The following BBX variants were observed in gnomAD, a reference collection of about 807,000 sequenced individuals.
BBX encodes BBX high mobility group box domain containing, also known as HMG box transcription factor BBX.
In BBX, 30 loss-of-function variants were observed where a neutral mutation model predicts 100.2. The ratio of observed to expected loss-of-function variants is 0.30; its 90% CI spans 0.22 to 0.41. The LOEUF (loss-of-function observed/expected upper bound fraction) is 0.41. Ranked by LOEUF, BBX falls within the 10% of genes least tolerant of loss-of-function variation. BBX has a pLI of 1.00. For synonymous variants in BBX, 376 were observed against 388.1 expected (o/e 0.97, Z 0.37); for missense variants, 1,023 against 1,129.8 (o/e 0.91, Z 1.35).
At chr3:107,536,983 A>C (rs547360188) in intron 2 of BBX, among the ~76,000 whole-genome samples, 55 of 152,326 alleles carry the variant, frequency 3.6e-4, no homozygotes, top group African/African-American at 1.3e-3. Context: ...ATATGGGACG[A>C]GTTTCTTACT....
chr3:107,774,964 C>T (rs1227116109), intron 12 of BBX, 107 bp downstream of exon 12: 5 of 1,314,500 alleles, frequency 3.8e-6, no homozygotes, highest in Non-Finnish European at 5.1e-6. Flanking sequence ...TTTGACTACT[C>T]GCTCAGGACT....
rs764595499 is a variant in BBX at position 107,773,026 on chromosome 3, T to C, written c.1305T>C (p.Ile435=). The change falls in exon 11 of 18, where the codon ATT becomes ATC. Residue 435 remains isoleucine, a synonymous_variant. Transcript: ENST00000325805. This position sits in a 1 kb window ranked among gnomAD's most constrained non-coding sequence, Gnocchi z 4.1. ...ATCATATGTGCCATCCTCATGGAAT[T>C]ATGATCATTGAGGATCCCGCAGCAT... The part of the protein sequence containing the change: ...RKDHMCHPHG[I]MIIEDPAALN... 6.2e-7 allele frequency: 1 copy of C among 1,614,006 alleles called. No homozygotes were observed. Among genetic ancestry groups the C allele is most frequent in the Non-Finnish European group, 8.5e-7 (1 of 1,179,990 alleles).
chr3:107,637,244 G>A (rs1428634903), intron 2 of BBX, among the ~76,000 whole-genome samples: 1 of 152,188 alleles, frequency 6.6e-6, no homozygotes, highest in African/African-American at 2.4e-5. Flanking sequence ...CTAACAGGCT[G>A]TAGAAGGCAT....
intron 2 of BBX, among the ~76,000 whole-genome samples, chr3:107,644,216 A>G (rs982212694): frequency 2.4e-4 from 37 of 152,242 alleles, no homozygotes; most frequent in African/African-American, 8.2e-4. Context: ...TTACTTACGT[A>G]TATAGGGATG....
Position 107,748,005 on chromosome 3 carries a change from A to G in BBX, c.791A>G (p.Gln264Arg). 1 of 1,613,694 alleles carries G rather than the reference A, an allele frequency of 6.2e-7. No individual in the cohort carries two copies. Among genetic ancestry groups the G allele is most frequent in the African/African-American group, 1.3e-5 (1 of 75,044 alleles). The change falls in exon 9 of 18, where the codon CAG (glutamine) becomes CGG (arginine). Residue 264 changes from glutamine to arginine, a missense_variant. Gln to Arg is a conservative substitution (Grantham distance 43). This residue lies in a region of BBX where 95 missense variants were observed against 95.1 expected (regional missense o/e 1.00). Coordinates refer to ENST00000325805, the MANE Select transcript of BBX (RefSeq NM_001142568.3). The part of the protein sequence containing the change: ...STSHSDASTK[Q>R]CQTSALFQFA... The stretch of plus-strand genomic sequence containing the variant: ...TCCCACTCTGATGCTTCTACAAAGC[A>G]GTGTCAAACATCTGCCTTGTTTCAG...
At chr3:107,741,482 A>G (rs149412224) in intron 7 of BBX, among the ~76,000 whole-genome samples, 6 of 152,320 alleles carry the variant, frequency 3.9e-5, no homozygotes, top group Non-Finnish European at 7.3e-5. Context: ...TTTTGGGCAT[A>G]TAGCAACACC....
At chr3:107,798,776 A>T in intron 16 of BBX, 56 bp downstream of exon 16, 1 of 1,490,908 alleles carries the variant, frequency 6.7e-7, no homozygotes, top group South Asian at 1.2e-5. Flanking sequence ...TCCCTGGGCC[A>T]CACTGGAAGA....
intron 3 of BBX, among the ~76,000 whole-genome samples, chr3:107,650,681 A>T (rs1015351989): frequency 5.9e-5 from 9 of 152,126 alleles, no homozygotes; most frequent in Non-Finnish European, 4.4e-5. Context: ...TAAATGGAGT[A>T]TTTTTGTAAC....
chr3:107,546,657 A>G (rs72939490), intron 2 of BBX, among the ~76,000 whole-genome samples: 7,332 of 152,230 alleles, frequency 0.048, 564 homozygotes, highest in African/African-American at 0.16. Context: ...AAAAAGTTAC[A>G]TTTTACTGTT....
At chr3:107,774,050 T>C (rs2067124613) in intron 11 of BBX, among the ~76,000 whole-genome samples, 1 of 152,132 alleles carries the variant, frequency 6.6e-6, no homozygotes, top group African/African-American at 2.4e-5. Flanking sequence ...CTTTCTCTCT[T>C]CATTAGGTAA....
In BBX at chr3:107,655,708, T is replaced by A. The variant is rs192007982; in HGVS notation, c.-10+9799T>A. ...AAGTTTCTTTAAATTTATTTTATTTTTTTTTTTTTTGAGACGGAGTCTTGC... is the reference window on the plus strand; with the variant it reads ...AAGTTTCTTTAAATTTATTTTATTTATTTTTTTTTTGAGACGGAGTCTTGC... On this transcript the variant is annotated intron_variant, in intron 3 of 17. Coordinates refer to ENST00000325805, the MANE Select transcript of BBX (RefSeq NM_001142568.3). 1.1e-3 allele frequency among the ~76,000 whole-genome samples: 163 copies of A among 150,710 alleles called. 3 individuals carry two copies. The East Asian group carries it at 0.029, about 27-fold the overall frequency.
At chr3:107,688,195 G>A (rs1423562670) in intron 3 of BBX, among the ~76,000 whole-genome samples, 5 of 152,124 alleles carry the variant, frequency 3.3e-5, no homozygotes, top group African/African-American at 1.2e-4. Flanking sequence ...TCCTATAAAG[G>A]CCCAGCCAGT....
At chr3:107,673,887 C>T (rs999501386) in intron 3 of BBX, among the ~76,000 whole-genome samples, 13 of 152,110 alleles carry the variant, frequency 8.5e-5, no homozygotes, top group African/African-American at 2.2e-4. Flanking sequence ...ATGTAAAACA[C>T]GCATAGAGCA....
intron 9 of BBX, among the ~76,000 whole-genome samples, chr3:107,754,124 A>G (rs879505252): frequency 2.0e-5 from 3 of 152,228 alleles, no homozygotes; most frequent in Non-Finnish European, 4.4e-5. Context: ...TCCACACAGC[A>G]GCAAGTAATG....
chr3:107,735,519 GAGA>G (rs1420399341), intron 7 of BBX, among the ~76,000 whole-genome samples: 2 of 152,028 alleles, frequency 1.3e-5, no homozygotes, highest in African/African-American at 2.4e-5. Flanking sequence ...TTCTTAAACA[GAGA>G]AGGTTTTCTT....
Position 107,772,932 on chromosome 3 carries a change from G to C in BBX, c.1211G>C (p.Ser404Thr). 6.2e-7 allele frequency: 1 copy of C among 1,611,722 alleles called. No individual in the cohort carries two copies. Among genetic ancestry groups the C allele is most frequent in the Non-Finnish European group, 8.5e-7 (1 of 1,179,438 alleles). ...GAGTTAGAAGAAGATCACAAATGTA[G>C]TCATTTTCCTGATTTTTCTTATTCT... ...KEELEEDHKC[S>T]HFPDFSYSAS... The change falls in exon 11 of 18, where the codon AGT (serine) becomes ACT (threonine). Residue 404 changes from serine (S) to threonine (T), a missense_variant. Around this residue, in one of 9 missense-constraint regions of BBX, gnomAD observed 348 missense variants for 353.2 expected, o/e 0.99. Coordinates refer to ENST00000325805, the MANE Select transcript of BBX (RefSeq NM_001142568.3).
intron 3 of BBX, among the ~76,000 whole-genome samples, chr3:107,655,115 C>T (rs1003931468): frequency 2.0e-5 from 3 of 152,008 alleles, no homozygotes; most frequent in South Asian, 4.1e-4. Context: ...GCTTTCCTGA[C>T]GATTTCATTA....
chr3:107,611,658 T>C (rs1454056512), intron 2 of BBX, among the ~76,000 whole-genome samples: 1 of 152,174 alleles, frequency 6.6e-6, no homozygotes, highest in African/African-American at 2.4e-5. Flanking sequence ...GTTTTTAGGA[T>C]CCTTTCTTTA....
At chr3:107,605,589 C>A (rs1414605092) in intron 2 of BBX, among the ~76,000 whole-genome samples, 1 of 152,052 alleles carries the variant, frequency 6.6e-6, no homozygotes, top group South Asian at 2.1e-4. Flanking sequence ...GTTAGATATC[C>A]CTTCCTTCTC....
Sources: gnomAD v4.1 joint callset for allele counts (sites outside exome capture counted in the v4.1 genomes callset) on GRCh38, gnomAD v4.1.1 for gene constraint, gnomAD v4.1.1 regional missense constraint, Gnocchi (gnomAD v3.1) non-coding constraint, MANE v1.5 for transcripts, NCBI Gene and HGNC (gene_info 2026-07-23, HGNC 2026-07-21) for gene names.